PPARGC1A: variants seen among roughly 807,000 people sequenced by gnomAD.
PPARGC1A encodes PPARG coactivator 1 alpha.
Under a neutral mutation model 88.7 loss-of-function variants are expected in PPARGC1A, and 25 were observed. That is an observed-to-expected ratio of 0.28 (90% confidence interval 0.21 to 0.39). The LOEUF (loss-of-function observed/expected upper bound fraction) is 0.39. Among genes scored for constraint, PPARGC1A ranks in the 10% least tolerant of loss-of-function variants. The probability of loss-of-function intolerance (pLI) is 1.00; values close to 1 mark genes in which losing one functional copy is unlikely to be tolerated. For synonymous variants in PPARGC1A, 363 were observed against 355.6 expected, an observed-to-expected ratio of 1.02 and a Z score of -0.24; for missense variants, 880 against 968.7, an observed-to-expected ratio of 0.91 and a Z score of 1.22.
chr4:24,354,184 C>T, the PPARGC1A span, among the ~76,000 whole-genome samples: 3 of 152,120 alleles, frequency 2.0e-5, no homozygotes, highest in Non-Finnish European at 2.9e-5. Context: ...ATGCTGCCCT[C>T]TCTCTAGTCA....
chr4:24,227,465 T>G, the PPARGC1A span, among the ~76,000 whole-genome samples: 1 of 152,066 alleles, frequency 6.6e-6, no homozygotes, highest in Non-Finnish European at 1.5e-5. Flanking sequence ...CACCAAGAAA[T>G]CCAGGTTGTT....
the PPARGC1A span, among the ~76,000 whole-genome samples, chr4:24,386,554 C>CA: frequency 6.6e-6 from 1 of 152,188 alleles, no homozygotes; most frequent in Non-Finnish European, 1.5e-5. Context: ...TCTCAGGCTA[C>CA]AAAGTCAATG....
the PPARGC1A span, among the ~76,000 whole-genome samples, chr4:24,258,925 G>A: frequency 1.3e-5 from 2 of 152,116 alleles, no homozygotes; most frequent in African/African-American, 4.8e-5. Flanking sequence ...ACTGTGTGTG[G>A]CTTCTTGGAG....
the PPARGC1A span, among the ~76,000 whole-genome samples, chr4:24,191,348 A>G: frequency 2.0e-5 from 3 of 152,248 alleles, no homozygotes; most frequent in South Asian, 6.2e-4. Flanking sequence ...CCTGCTGTGC[A>G]GAAAAGTAAA....
the PPARGC1A span, among the ~76,000 whole-genome samples, chr4:24,274,531 AACTTTATTTATCTAC>A: frequency 6.6e-6 from 1 of 152,074 alleles, no homozygotes; most frequent in African/African-American, 2.4e-5. Context: ...GTTCCAATAA[AACTTTATTTATCTAC>A]ACTGAAATTG....
the PPARGC1A span, among the ~76,000 whole-genome samples, chr4:24,001,289 C>T: frequency 6.6e-6 from 1 of 152,162 alleles, no homozygotes; most frequent in Admixed American, 6.5e-5. Context: ...GGAAATAATT[C>T]ACATCTTCAA....
chr4:23,880,780 T>C (rs58990583), intron 2 of PPARGC1A: 12,306 of 152,236 alleles, frequency 0.081, 643 homozygotes, highest in African/African-American at 0.15. Context: ...GTTCCAGCAA[T>C]GACCAAACAT....
At chr4:24,114,592 C>T in the PPARGC1A span, among the ~76,000 whole-genome samples, 107 of 152,204 alleles carry the variant, frequency 7.0e-4, no homozygotes, top group Non-Finnish European at 1.3e-3. Flanking sequence ...CCTCAAATCA[C>T]AGCCTCCCGG....
At chr4:24,167,048 A>C in the PPARGC1A span, among the ~76,000 whole-genome samples, 2 of 152,214 alleles carry the variant, frequency 1.3e-5, no homozygotes, top group African/African-American at 4.8e-5. Flanking sequence ...TGGCAAAGTA[A>C]ATTGAAAACC....
chr4:23,878,324 G>T (rs1715218474), intron 2 of PPARGC1A, among the ~76,000 whole-genome samples: 1 of 150,714 alleles, frequency 6.6e-6, no homozygotes, highest in African/African-American at 2.5e-5. Context: ...AACTGCAAAT[G>T]GCTAAGAACC....
the PPARGC1A span, among the ~76,000 whole-genome samples, chr4:24,268,724 T>G: frequency 6.6e-6 from 1 of 152,370 alleles, no homozygotes; most frequent in South Asian, 2.1e-4. Flanking sequence ...TGCAAATTTC[T>G]TCACTAATAA....
the PPARGC1A span, among the ~76,000 whole-genome samples, chr4:24,334,228 C>T: frequency 6.6e-6 from 1 of 152,152 alleles, no homozygotes; most frequent in Non-Finnish European, 1.5e-5. Context: ...GAACCAAGTA[C>T]CTCGCCTTTT....
the PPARGC1A span, among the ~76,000 whole-genome samples, chr4:24,229,451 T>TATGG: frequency 6.7e-6 from 1 of 150,310 alleles, no homozygotes; most frequent in South Asian, 2.2e-4. Context: ...GCCCAGCCTA[T>TATGG]ATGGACCTTT....
At chr4:24,420,167 T>C in the PPARGC1A span, among the ~76,000 whole-genome samples, 1 of 152,208 alleles carries the variant, frequency 6.6e-6, no homozygotes, top group Non-Finnish European at 1.5e-5. Context: ...ATAATGTAAT[T>C]TGTTTGAGAC....
chr4:24,105,990 T>G, the PPARGC1A span, among the ~76,000 whole-genome samples: 4 of 152,212 alleles, frequency 2.6e-5, no homozygotes, highest in African/African-American at 9.7e-5. Context: ...AAGCACTAAC[T>G]CATTTCAGCA....
the PPARGC1A span, among the ~76,000 whole-genome samples, chr4:24,261,316 A>G: frequency 6.6e-6 from 1 of 152,158 alleles, no homozygotes; most frequent in East Asian, 1.9e-4. Context: ...CTCAGCCTAC[A>G]GAGCAAATGG....
At chr4:24,056,242 A>G in the PPARGC1A span, among the ~76,000 whole-genome samples, 20 of 152,196 alleles carry the variant, frequency 1.3e-4, no homozygotes, top group Non-Finnish European at 2.8e-4. Flanking sequence ...TCTCTGGGCT[A>G]TCAATTCTTC....
the PPARGC1A span, among the ~76,000 whole-genome samples, chr4:24,044,617 C>G: frequency 6.6e-6 from 1 of 152,150 alleles, no homozygotes; most frequent in Non-Finnish European, 1.5e-5. Context: ...GCATATTGAA[C>G]TGCTCTGCGA....
the PPARGC1A span, among the ~76,000 whole-genome samples, chr4:24,051,238 A>G: frequency 6.6e-6 from 1 of 151,780 alleles, no homozygotes; most frequent in Non-Finnish European, 1.5e-5. Context: ...ATTCATGCAA[A>G]TATTTTATTG....
Sources: gnomAD v4.1 joint callset for allele counts (sites outside exome capture counted in the v4.1 genomes callset) on GRCh38, gnomAD v4.1.1 for gene constraint, MANE v1.5 for transcripts, NCBI Gene and HGNC (gene_info 2026-07-23, HGNC 2026-07-21) for gene names.